Variants in POTEC observed in about 807,000 individuals in gnomAD.
The protein encoded by POTEC is POTE ankyrin domain family member C, also known as ANKRD26-like family B member 2.
POTEC carries 35 observed loss-of-function variants against 62.0 expected under a neutral mutation model. The ratio of observed to expected loss-of-function variants is 0.56; its 90% CI spans 0.43 to 0.75. POTEC has a LOEUF of 0.75. Ranked by LOEUF, POTEC falls within the 30% of genes least tolerant of loss-of-function variation. The pLI is 0.00. For missense variants in POTEC, 472 were observed against 655.9 expected (o/e 0.72, Z 3.06); for synonymous variants, 156 against 221.5 (o/e 0.70, Z 2.62).
intron 6 of POTEC, among the ~76,000 whole-genome samples, chr18:14,528,538 A>G (rs1451883123): frequency 2.0e-5 from 3 of 152,120 alleles, no homozygotes; most frequent in Admixed American, 2.0e-4. Context: ...GAAGAAAAGC[A>G]GCCCTTGAAA....
In POTEC at chr18:14,537,916, T is replaced by C. The variant is rs751025285; in HGVS notation, c.695A>G (p.Gln232Arg). The change falls in exon 3 of 11, where the codon CAA (glutamine) becomes CGA (arginine). Residue 232 changes from glutamine to arginine, a missense_variant. Coordinates refer to ENST00000358970, the MANE Select transcript of POTEC (RefSeq NM_001137671.2). ...VLMLLEHGAD[Q>R]NIPDEYGNTT... ...ATTTCCATACTCATCTGGAATATTTTGATCAGCGCCATGTTCCAGCAACAT... is the reference window on the plus strand; with the variant it reads ...ATTTCCATACTCATCTGGAATATTTCGATCAGCGCCATGTTCCAGCAACAT... 3.7e-6 allele frequency: 6 copies of C among 1,612,682 alleles called. No homozygotes were observed. In the South Asian group the frequency reaches 6.6e-5, roughly 18 times the overall value.
At position 14,534,905 on chromosome 18, in the gene POTEC, C is replaced by T. The variant is rs1329103481; in HGVS notation, c.913G>A (p.Gly305Arg). Residue 305 changes from glycine (G) to arginine (R), a missense_variant, in exon 4 of 11, where the codon GGA becomes AGA. Gly to Arg is a moderately radical substitution (Grantham distance 125). Coordinates refer to ENST00000358970, the MANE Select transcript of POTEC (RefSeq NM_001137671.2). Reference sequence around the variant, plus strand: ...GATTAAAAGAAATAACCATACCTTCCATATCTATCAAGTGCATTTAAATTA... The same window carrying T: ...GATTAAAAGAAATAACCATACCTTCTATATCTATCAAGTGCATTTAAATTA... ...KANLNALDRY[G>R]RTALILAVCC... 5 of 1,580,046 alleles carry T rather than the reference C, an allele frequency of 3.2e-6. No individual in the cohort carries two copies. The highest frequency in any genetic ancestry group is 4.3e-6 in the Non-Finnish European group (5 of 1,163,804).
rs772087349 is a variant in POTEC, at chr18:14,513,801, A to G, written c.1410-16T>C. ...TTGTTCGTCACTAGAAGAAATTTTA[A>G]TTTTCATGAAATACTGGAGGTGTCC... is the stretch of plus-strand genomic sequence containing the variant. On this transcript the variant is annotated splice_polypyrimidine_tract_variant and intron_variant, in intron 9 of 10. Transcript: ENST00000358970. The G allele has an allele frequency of 1.9e-5, 30 of 1,605,326 alleles. No individual in the cohort carries two copies. Among genetic ancestry groups the G allele is most frequent in the Middle Eastern group, 4.6e-4 (2 of 4,378 alleles).
At chr18:14,534,028 C>A (rs2143154878) in intron 4 of POTEC, among the ~76,000 whole-genome samples, 1 of 149,366 alleles carries the variant, frequency 6.7e-6, no homozygotes, top group African/African-American at 2.5e-5. Flanking sequence ...CACCCACTAA[C>A]TCGTCATCTA....
Position 14,530,616 on chromosome 18 carries a change from A to G in POTEC, c.1056-63T>C. 4 of 1,233,390 alleles carry G rather than the reference A, an allele frequency of 3.2e-6. No individual in the cohort carries two copies. In the South Asian group the frequency reaches 5.9e-5, roughly 18 times the overall value. 76.4% of individuals were successfully genotyped at this position (1,233,390 alleles called of 1,614,324 possible). ...AATACTGATATAAAAAATACTTACC[A>G]AATGTAAAATTCTTAGAGTATTTCA... On this transcript the variant is annotated intron_variant, in intron 5 of 10. Transcript: ENST00000358970.
At chr18:14,538,556 TG>T (rs1383501290) in intron 1 of POTEC, among the ~76,000 whole-genome samples, 1 of 151,668 alleles carries the variant, frequency 6.6e-6, no homozygotes, top group East Asian at 2.0e-4. Context: ...ATCAATAAAA[TG>T]GGAATGAAAA....
At chr18:14,532,188 TCTGCTAGAGAAAAGACCAACAA>T in intron 5 of POTEC, among the ~76,000 whole-genome samples, 1 of 152,156 alleles carries the variant, frequency 6.6e-6, no homozygotes, top group South Asian at 2.1e-4. Context: ...CCACCTCATA[TCTGCTAGAGAAAAGACCAACAA>T]CGGCCTGAAA....
At chr18:14,541,501 C>T (rs143609567) in intron 1 of POTEC, among the ~76,000 whole-genome samples, 1 of 151,984 alleles carries the variant, frequency 6.6e-6, no homozygotes. Context: ...AGTAGCCAGG[C>T]ATGGTGGTGG....
intron 6 of POTEC, among the ~76,000 whole-genome samples, chr18:14,526,594 T>C (rs1471131069): frequency 6.6e-6 from 1 of 151,928 alleles, no homozygotes; most frequent in East Asian, 1.9e-4. Context: ...CAAGAAAGGG[T>C]GACAGCATGC....
At position 14,518,496 on chromosome 18, in the gene POTEC, G is replaced by A. The variant is rs1201499533; in HGVS notation, c.1409+3758C>T. On this transcript the variant is annotated intron_variant, in intron 9 of 10. Transcript: ENST00000358970. ...ACAGCGTTGATGTCAAGATACAAAT[G>A]GGTTTGAAGTTAGAGATGATAAATC... is the stretch of plus-strand genomic sequence containing the variant. Among the ~76,000 whole-genome samples the A allele has an allele frequency of 4.0e-5, 6 of 150,522 alleles. No individual in the cohort carries two copies. In the East Asian group the frequency reaches 9.7e-4, roughly 24 times the overall value.
chr18:14,530,401 A>G, intron 6 of POTEC, 82 bp downstream of exon 6: 2 of 1,590,642 alleles, frequency 1.3e-6, no homozygotes, highest in Non-Finnish European at 1.7e-6. Flanking sequence ...CCATGGAAAC[A>G]CTGTCTTCCA....
Position 14,542,741 on chromosome 18 carries a change from G to C in POTEC, c.406C>G (p.Arg136Gly), listed in dbSNP as rs745334772. 6.8e-6 allele frequency: 11 copies of C among 1,613,270 alleles called. No individual in the cohort carries two copies. The highest frequency in any genetic ancestry group is 3.3e-5 in the Admixed American group (2 of 59,986). ...SAFMEPRYHV[R>G]REDLDKLHRA... Reference sequence around the variant, plus strand: ...TGGAGCTTGTCCAGATCTTCTCGACGGACGTGGTACCTCGGCTCCATGAAG... The same window carrying C: ...TGGAGCTTGTCCAGATCTTCTCGACCGACGTGGTACCTCGGCTCCATGAAG... The change falls in exon 1 of 11, where the codon CGT becomes GGT. Residue 136 changes from arginine (R) to glycine (G), a missense_variant. Physicochemically the swap from Arg to Gly is moderately radical, Grantham distance 125 (BLOSUM62 -2). Transcript: ENST00000358970.
chr18:14,541,668 A>C lies in POTEC; in HGVS notation c.521+958T>G, dbSNP rs554901189. ...AAATAAATAAATATTTGCACATATA[A>C]ATAGGCATTTGTGTTTTCTTCTGGT... On this transcript the variant is annotated intron_variant, in intron 1 of 10. Coordinates refer to ENST00000358970, the MANE Select transcript of POTEC (RefSeq NM_001137671.2). 1.8e-3 allele frequency among the ~76,000 whole-genome samples: 272 copies of C among 152,234 alleles called. 1 individual carries two copies. Among genetic ancestry groups the C allele is most frequent in the African/African-American group, 5.9e-3 (244 of 41,542 alleles).
intron 3 of POTEC, among the ~76,000 whole-genome samples, chr18:14,537,172 A>ACAC (rs1324202343): frequency 1.2e-4 from 8 of 64,752 alleles, no homozygotes; most frequent in Admixed American, 2.0e-4. Context: ...CAACAATAAC[A>ACAC]ACACACACAC....
In POTEC at chr18:14,540,876, T is replaced by C. The variant is rs138630457; in HGVS notation, c.521+1750A>G. Among the ~76,000 whole-genome samples the C allele has an allele frequency of 4.7e-3, 670 of 141,540 alleles. 8 individuals carry two copies. The highest frequency in any genetic ancestry group is 0.02 in the African/African-American group (640 of 31,764). The allele number at this position is 141,540 out of a possible 152,430, so 92.9% of individuals were successfully genotyped here. A position where few individuals can be genotyped will look rare whatever the true frequency, so the allele number is the denominator to read the frequency against. ...GAAAACAGTATTTCATTCCTCTATA[T>C]TTATTTATTTATTTTTATTTATTTA... On this transcript the variant is annotated intron_variant, in intron 1 of 10. Transcript: ENST00000358970.
chr18:14,511,993 G>C lies in POTEC; in HGVS notation c.1534C>G (p.Leu512Val), dbSNP rs577247798. Residue 512 changes from leucine (L) to valine (V), a missense_variant and splice_region_variant, in exon 11 of 11, where the codon CTT becomes GTT. Transcript: ENST00000358970. ...TCTTCTTTCTTATGACTAAGAGAAA[G>C]CTAAGTAAACAAAGGGAACTTTTAG... ...EVAEKKMNSE[L>V]SLSHKKEEDL... is the part of the protein sequence containing the mutation. 18 of 1,610,362 alleles carry C rather than the reference G, an allele frequency of 1.1e-5. No individual in the cohort carries two copies. In the Admixed American group the frequency reaches 2.9e-4, roughly 26 times the overall value.
chr18:14,543,600 T>TGCGGGGCGCGCGTGCGGGGC (rs1906045814), upstream of POTEC: 1 of 210,836 alleles, frequency 4.7e-6, no homozygotes, highest in African/African-American at 3.2e-5. Flanking sequence ...CAAGCCGTTA[T>TGCGGGGCGCGCGTGCGGGGC]GCGCGTGCGG....
intron 6 of POTEC, among the ~76,000 whole-genome samples, chr18:14,527,238 A>T (rs2143139169): frequency 6.6e-6 from 1 of 152,032 alleles, no homozygotes. Context: ...TACAAAAAAC[A>T]CTCTTTCTCT....
At chr18:14,520,450 A>G (rs1910281251) in intron 9 of POTEC, among the ~76,000 whole-genome samples, 1 of 152,132 alleles carries the variant, frequency 6.6e-6, no homozygotes, top group South Asian at 2.1e-4. Flanking sequence ...AGCCAATTCT[A>G]GGACAGTTGA....
Sources: gnomAD v4.1 joint callset for allele counts (sites outside exome capture counted in the v4.1 genomes callset) on GRCh38, gnomAD v4.1.1 for gene constraint, MANE v1.5 for transcripts, NCBI Gene and HGNC (gene_info 2026-07-23, HGNC 2026-07-21) for gene names.